Variants in TAS1R2 observed in about 807,000 individuals in gnomAD.
TAS1R2 encodes the protein taste 1 receptor member 2, also known as taste receptor type 1 member 2.
Under a neutral mutation model 49.3 loss-of-function variants are expected in TAS1R2, and 47 were observed. The ratio of observed to expected loss-of-function variants is 0.95; its 90% CI spans 0.75 to 1.22. The LOEUF (loss-of-function observed/expected upper bound fraction) is 1.22. Among genes scored for constraint, TAS1R2 ranks in the 50% most tolerant of loss-of-function variants. The pLI, the probability that TAS1R2 is intolerant of heterozygous loss-of-function variation, is 0.00. For synonymous variants in TAS1R2, 479 were observed against 467.9 expected (o/e 1.02, Z -0.31); for missense variants, 1,155 against 1,122.1 (o/e 1.03, Z -0.42).
At chr1:18,859,245 G>C (rs1934196590) in intron 1 of TAS1R2, among the ~76,000 whole-genome samples, 1 of 152,176 alleles carries the variant, frequency 6.6e-6, no homozygotes. Flanking sequence ...ATGGCACTGA[G>C]ATGACCCCAG....
rs370587266 is a variant in TAS1R2 at position 18,854,704 on chromosome 1, G to T, written c.766C>A (p.Arg256Ser). 5 of 1,613,420 alleles carry T rather than the reference G, an allele frequency of 3.1e-6. No individual in the cohort carries two copies. Among genetic ancestry groups the T allele is most frequent in the Admixed American group, 1.7e-5 (1 of 59,970 alleles). ...AGCTTGTCCACAATGGTCACCAGGC[G>T]CTGGCGCTCCTCTGACGTCATGTTC... The change falls in exon 3 of 6, where the codon CGC (arginine) becomes AGC (serine). Residue 256 changes from arginine to serine, a missense_variant. Coordinates refer to ENST00000375371, the Ensembl canonical transcript of TAS1R2. The surrounding 1 kb of genome is among the most constrained non-coding windows in gnomAD (Gnocchi z 4.9).
At chr1:18,840,675 T>C in intron 5 of TAS1R2, 148 bp from the exon 6 acceptor site, 1 of 759,030 alleles carries the variant, frequency 1.3e-6, no homozygotes, top group East Asian at 2.7e-5. Flanking sequence ...TCAAGTCTCA[T>C]GTGCATTGGC....
At chr1:18,844,016 C>A (rs894589715) in intron 4 of TAS1R2, among the ~76,000 whole-genome samples, 1 of 152,150 alleles carries the variant, frequency 6.6e-6, no homozygotes, top group East Asian at 1.9e-4. Flanking sequence ...TTCTTTATGA[C>A]AAATAAATAG....
chr1:18,840,747 A>T (rs1340226722), intron 5 of TAS1R2, among the ~76,000 whole-genome samples: 1 of 152,262 alleles, frequency 6.6e-6, no homozygotes, highest in Non-Finnish European at 1.5e-5. Context: ...AGCCAGGTTA[A>T]GTAATTTGCC....
chr1:18,854,404 T>C lies in TAS1R2; in HGVS notation c.1066A>G (p.Ser356Gly). The change falls in exon 3 of 6, where the codon AGC becomes GGC. Residue 356 changes from serine (S) to glycine (G), a missense_variant. Coordinates refer to ENST00000375371, the Ensembl canonical transcript of TAS1R2. The surrounding 1 kb of genome is among the most constrained non-coding windows in gnomAD (Gnocchi z 4.9). The stretch of plus-strand genomic sequence containing the variant: ...TCGCACTCCTGGTTGCAGGTATAGC[T>C]CTGGCTGGTCCTGCTGAGGGGTGGC... 1.2e-6 allele frequency: 2 copies of C among 1,613,968 alleles called. No homozygotes were observed. The highest frequency in any genetic ancestry group is 2.2e-5 in the East Asian group (1 of 44,864).
intron 4 of TAS1R2, among the ~76,000 whole-genome samples, chr1:18,845,776 C>G (rs28432994): frequency 0.013 from 2,037 of 152,248 alleles, 46 homozygotes; most frequent in East Asian, 0.1. Context: ...GAATCTGCAG[C>G]AGGCACAGCC....
Position 18,857,637 on chromosome 1 carries a change from G to A in TAS1R2, c.183-6C>T. 6.2e-7 allele frequency: 1 copy of A among 1,609,306 alleles called. No individual in the cohort carries two copies. The highest frequency in any genetic ancestry group is 8.5e-7 in the Non-Finnish European group (1 of 1,177,492). On this transcript the variant is annotated splice_region_variant and splice_polypyrimidine_tract_variant and intron_variant, in intron 1 of 5. Transcript: ENST00000375371. ...CTATCACCTTCACTTCATACCTGGA[G>A]GGGCCACAGCATCATGAGGTGGAAG...
chr1:18,839,608 C>T (rs749283030), exon 6 of TAS1R2: 22 of 1,613,400 alleles, frequency 1.4e-5, no homozygotes, highest in Non-Finnish European at 1.8e-5. Flanking sequence ...ACTAGTCCCT[C>T]CTCATGGTGT....
At chr1:18,847,393 T>C (rs1569664843) in intron 4 of TAS1R2, among the ~76,000 whole-genome samples, 2 of 70,740 alleles carry the variant, frequency 2.8e-5, no homozygotes, top group Middle Eastern at 6.3e-3. Flanking sequence ...CAGTCTGTGA[T>C]ACTTTGTGAG....
exon 6 of TAS1R2, chr1:18,839,809 G>A (rs1323307773): frequency 1.2e-6 from 2 of 1,614,232 alleles, no homozygotes; most frequent in East Asian, 4.5e-5. Context: ...CGGATGAGGT[G>A]AAATAGAAGG....
chr1:18,854,308 C>T lies in TAS1R2; in HGVS notation c.1162G>A (p.Val388Met), dbSNP rs371487542. The change falls in exon 3 of 6, where the codon GTG becomes ATG. Residue 388 changes from valine (V) to methionine (M), a missense_variant. Coordinates refer to ENST00000375371, the Ensembl canonical transcript of TAS1R2. The surrounding 1 kb of genome is among the most constrained non-coding windows in gnomAD (Gnocchi z 4.9). ...GCCACAGCATAGACCGCAGAGTACA[C>T]GCTGTAGACGACACGCTCCCCAGAG... 55 of 1,613,990 alleles carry T rather than the reference C, an allele frequency of 3.4e-5. No individual in the cohort carries two copies. Among genetic ancestry groups the T allele is most frequent in the Non-Finnish European group, 4.2e-5 (50 of 1,180,008 alleles).
At chr1:18,845,501 C>G (rs985529101) in intron 4 of TAS1R2, among the ~76,000 whole-genome samples, 2 of 152,210 alleles carry the variant, frequency 1.3e-5, no homozygotes, top group Non-Finnish European at 2.9e-5. Flanking sequence ...TACAATCTTA[C>G]ACTCTGCTGG....
At chr1:18,841,059 G>A (rs1274942014) in intron 5 of TAS1R2, among the ~76,000 whole-genome samples, 1 of 152,178 alleles carries the variant, frequency 6.6e-6, no homozygotes, top group Non-Finnish European at 1.5e-5. Context: ...TCTGTGTCCT[G>A]TGCTCTGCTA....
chr1:18,851,424 GGTTCAA>G (rs918535232), intron 3 of TAS1R2, among the ~76,000 whole-genome samples: 13 of 152,034 alleles, frequency 8.6e-5, no homozygotes, highest in African/African-American at 2.9e-4. Context: ...CCGTCTCCTG[GGTTCAA>G]GCAATTCTCC....
chr1:18,844,292 T>C (rs1933877662), intron 4 of TAS1R2, among the ~76,000 whole-genome samples: 1 of 152,116 alleles, frequency 6.6e-6, no homozygotes. Context: ...TGGCTGGTTG[T>C]TCAGGGGCCT....
At chr1:18,843,690 C>A (rs1933868188) in intron 4 of TAS1R2, among the ~76,000 whole-genome samples, 1 of 152,176 alleles carries the variant, frequency 6.6e-6, no homozygotes, top group South Asian at 2.1e-4. Context: ...AATGGGCAAG[C>A]CCAAAGAGAG....
Position 18,854,267 on chromosome 1 carries a change from G to A in TAS1R2, c.1203C>T (p.Ser401=). The A allele has an allele frequency of 6.2e-7, 1 of 1,614,180 alleles. No individual in the cohort carries two copies. Among genetic ancestry groups the A allele is most frequent in the Non-Finnish European group, 8.5e-7 (1 of 1,180,030 alleles). The change falls in exon 3 of 6, where the codon AGC becomes AGT. Residue 401 remains serine (S), a synonymous_variant. Coordinates refer to ENST00000375371, the Ensembl canonical transcript of TAS1R2. The surrounding 1 kb of genome is among the most constrained non-coding windows in gnomAD (Gnocchi z 4.9). ...AGGTGCTTTTGTCACAGCCGAGGAG[G>A]CTGTGCAGGGCATGGGCCACAGCAT...
rs758378871 is a variant in TAS1R2, at chr1:18,854,229, A to G, written c.1241T>C (p.Val414Ala). 1 of 1,613,250 alleles carries G rather than the reference A, an allele frequency of 6.2e-7. No individual in the cohort carries two copies. Among genetic ancestry groups the G allele is most frequent in the South Asian group, 1.1e-5 (1 of 91,038 alleles). ...CCCCCTCACCTGCCAGGGGTAGACC[A>G]CCCTCTTGGTGCAGGTGCTTTTGTC... The change falls in exon 3 of 6, where the codon GTG becomes GCG. Residue 414 changes from valine to alanine, a missense_variant. Physicochemically the swap from Val to Ala is moderately conservative, Grantham distance 64. Transcript: ENST00000375371. The surrounding 1 kb of genome is among the most constrained non-coding windows in gnomAD (Gnocchi z 4.9).
Position 18,854,147 on chromosome 1 carries a change from T to TA in TAS1R2, c.1257+65_1257+66insT. 1 of 1,501,296 alleles carries TA rather than the reference T, an allele frequency of 6.7e-7. No individual in the cohort carries two copies. The highest frequency in any genetic ancestry group is 1.4e-5 in the African/African-American group (1 of 72,728). 93.0% of individuals were successfully genotyped at this position (1,501,296 alleles called of 1,614,324 possible). A position where few individuals can be genotyped will look rare whatever the true frequency, so the allele number is the denominator to read the frequency against. ...GATACTCATGCCCTTTCACACCCATTTGCCCAGAACCCCAGGGGAGGAGGA... is the reference window on the plus strand; with the variant it reads ...GATACTCATGCCCTTTCACACCCATTATGCCCAGAACCCCAGGGGAGGAGGA... On this transcript the variant is annotated intron_variant, in intron 3 of 5. Transcript: ENST00000375371. The surrounding 1 kb of genome is among the most constrained non-coding windows in gnomAD (Gnocchi z 4.9).
Sources: gnomAD v4.1 joint callset for allele counts (sites outside exome capture counted in the v4.1 genomes callset) on GRCh38, gnomAD v4.1.1 for gene constraint, Gnocchi (gnomAD v3.1) non-coding constraint, MANE v1.5 for transcripts, NCBI Gene and HGNC (gene_info 2026-07-23, HGNC 2026-07-21) for gene names.